The following RERE variants were observed in gnomAD, a reference collection of about 807,000 sequenced individuals.
The protein encoded by RERE is arginine-glutamic acid dipeptide repeats protein.
Under a neutral mutation model 146.1 loss-of-function variants are expected in RERE, and 40 were observed. The ratio of observed to expected loss-of-function variants is 0.27; its 90% CI spans 0.21 to 0.36. The LOEUF (loss-of-function observed/expected upper bound fraction) is 0.36, where lower values mean the gene tolerates loss of function less well. Among genes scored for constraint, RERE ranks in the 10% least tolerant of loss-of-function variants. RERE has a pLI of 1.00. For synonymous variants in RERE, 1,003 were observed against 866.0 expected (o/e 1.16, Z -2.78); for missense variants, 1,933 against 2,138.7 (o/e 0.90, Z 1.90).
intron 1 of RERE, among the ~76,000 whole-genome samples, chr1:8,686,388 A>G (rs1639087081): frequency 6.6e-6 from 1 of 152,212 alleles, no homozygotes; most frequent in African/African-American, 2.4e-5. Context: ...CAGTAAACCA[A>G]AGAGTCAAAA....
chr1:8,439,593 A>T (rs1276976723), intron 11 of RERE, among the ~76,000 whole-genome samples: 2 of 152,238 alleles, frequency 1.3e-5, no homozygotes, highest in African/African-American at 4.8e-5. Context: ...GGAGGCAATG[A>T]AAGTTTTCTC....
At chr1:8,765,192 T>C (rs1022034009) in intron 1 of RERE, among the ~76,000 whole-genome samples, 1 of 152,256 alleles carries the variant, frequency 6.6e-6, no homozygotes, top group Non-Finnish European at 1.5e-5. Flanking sequence ...ACAGATGTTA[T>C]GCTACCACAT....
chr1:8,413,162 G>T (rs929610934), intron 12 of RERE, among the ~76,000 whole-genome samples: 1 of 152,086 alleles, frequency 6.6e-6, no homozygotes, highest in African/African-American at 2.4e-5. Flanking sequence ...AAAAGTAAGG[G>T]CTGTTACAGG....
At chr1:8,520,959 G>T (rs972755009) in intron 7 of RERE, among the ~76,000 whole-genome samples, 4 of 151,716 alleles carry the variant, frequency 2.6e-5, no homozygotes, top group Non-Finnish European at 4.4e-5. Context: ...ACGTCTAAAG[G>T]TTTCTTTGTC....
At chr1:8,394,007 A>G (rs1642970290) in intron 12 of RERE, among the ~76,000 whole-genome samples, 1 of 152,150 alleles carries the variant, frequency 6.6e-6, no homozygotes, top group South Asian at 2.1e-4. Context: ...ACACTGCAAA[A>G]TCCTATACAC....
At chr1:8,411,610 C>T (rs1299730990) in intron 12 of RERE, among the ~76,000 whole-genome samples, 1 of 152,156 alleles carries the variant, frequency 6.6e-6, no homozygotes, top group Non-Finnish European at 1.5e-5. Context: ...CCAGGTGATA[C>T]TACAGAGTGA....
At chr1:8,691,065 T>C (rs1639196780) in intron 1 of RERE, among the ~76,000 whole-genome samples, 1 of 152,040 alleles carries the variant, frequency 6.6e-6, no homozygotes, top group Admixed American at 6.6e-5. Context: ...GCCCAGCTAA[T>C]CTTTGTATTT....
At chr1:8,698,551 C>G (rs908138864) in intron 1 of RERE, among the ~76,000 whole-genome samples, 1 of 152,190 alleles carries the variant, frequency 6.6e-6, no homozygotes, top group African/African-American at 2.4e-5. Flanking sequence ...TTTCTTAAAA[C>G]TACAACTACA....
intron 1 of RERE, among the ~76,000 whole-genome samples, chr1:8,751,279 C>T (rs1640529527): frequency 6.6e-6 from 1 of 152,202 alleles, no homozygotes; most frequent in Non-Finnish European, 1.5e-5. Context: ...CTGGAAAAAA[C>T]ACTTAGGACA....
chr1:8,459,945 CT>C (rs1644504650), intron 11 of RERE, among the ~76,000 whole-genome samples: 1 of 152,152 alleles, frequency 6.6e-6, no homozygotes, highest in African/African-American at 2.4e-5. Context: ...AACCCTTCCC[CT>C]ATATTGTGGA....
chr1:8,810,832 C>G (rs187193316), intron 1 of RERE, among the ~76,000 whole-genome samples: 1 of 152,258 alleles, frequency 6.6e-6, no homozygotes, highest in Admixed American at 6.5e-5. Context: ...TCACCCCACA[C>G]TTAAAATACT....
intron 4 of RERE, among the ~76,000 whole-genome samples, chr1:8,597,796 T>C (rs1386783371): frequency 6.6e-6 from 1 of 152,122 alleles, no homozygotes; most frequent in East Asian, 1.9e-4. Context: ...TTTTTTTTTT[T>C]TAATGATCAA....
At chr1:8,758,541 G>A (rs2401189) in intron 1 of RERE, among the ~76,000 whole-genome samples, 82,273 of 151,488 alleles carry the variant, frequency 0.54, 22,995 homozygotes, top group East Asian at 0.83. Flanking sequence ...ACAGGTGTGC[G>A]CCACCACACC....
At chr1:8,403,979 C>T (rs1643358488) in intron 12 of RERE, among the ~76,000 whole-genome samples, 4 of 151,836 alleles carry the variant, frequency 2.6e-5, no homozygotes, top group Middle Eastern at 3.4e-3. Context: ...TACAGGCACG[C>T]GTCACCACGT....
chr1:8,427,711 CA>C (rs1454704119), intron 11 of RERE, among the ~76,000 whole-genome samples: 1 of 149,576 alleles, frequency 6.7e-6, no homozygotes, highest in Non-Finnish European at 1.5e-5. Flanking sequence ...TGGAAAGCCA[CA>C]AGGCCTCAAA....
intron 12 of RERE, among the ~76,000 whole-genome samples, chr1:8,379,997 C>A (rs17032511): frequency 0.026 from 3,885 of 152,294 alleles, 177 homozygotes; most frequent in African/African-American, 0.089. Flanking sequence ...AGACAAATCA[C>A]CACTGTTGTC....
chr1:8,509,815 C>G (rs1338820320), intron 7 of RERE, among the ~76,000 whole-genome samples: 1 of 152,144 alleles, frequency 6.6e-6, no homozygotes, highest in Non-Finnish European at 1.5e-5. Flanking sequence ...ACAAACAAAA[C>G]AGTGTCAAAG....
At chr1:8,407,598 G>A (rs558227095) in intron 12 of RERE, among the ~76,000 whole-genome samples, 18 of 152,056 alleles carry the variant, frequency 1.2e-4, no homozygotes, top group South Asian at 4.2e-4. Context: ...CCATGACCTG[G>A]ACAAGACCTG....
At chr1:8,660,108 A>G (rs1460416452) in intron 1 of RERE, among the ~76,000 whole-genome samples, 6 of 152,102 alleles carry the variant, frequency 3.9e-5, no homozygotes, top group Admixed American at 2.6e-4. Flanking sequence ...TTAATGACAT[A>G]TTTATATAAC....
Sources: gnomAD v4.1 joint callset for allele counts (sites outside exome capture counted in the v4.1 genomes callset) on GRCh38, gnomAD v4.1.1 for gene constraint, MANE v1.5 for transcripts, NCBI Gene and HGNC (gene_info 2026-07-23, HGNC 2026-07-21) for gene names.